SPATA25: variants seen among roughly 807,000 people sequenced by gnomAD.
SPATA25 encodes spermatogenesis associated 25, also known as spermatogenesis-associated protein 25.
Under a neutral mutation model 16.0 loss-of-function variants are expected in SPATA25, and 16 were observed. The observed-to-expected ratio is 1.00, with a 90% CI of 0.68 to 1.52. SPATA25 has a LOEUF of 1.52. SPATA25 is among the 40% of genes most tolerant of loss of function. SPATA25 has a pLI of 0.00. For missense variants in SPATA25, 285 were observed against 289.2 expected (o/e 0.99, Z 0.11); for synonymous variants, 115 against 118.5 (o/e 0.97, Z 0.19).
chr20:45,890,621 C>T (rs1424372833), upstream of SPATA25: 1 of 1,612,840 alleles, frequency 6.2e-7, no homozygotes, highest in African/African-American at 1.3e-5. Context: ...GCGGCCCTCC[C>T]GGGGCACGCG....
upstream of SPATA25, among the ~76,000 whole-genome samples, chr20:45,889,693 A>G (rs1986656034): frequency 7.0e-6 from 1 of 143,174 alleles, no homozygotes; most frequent in Non-Finnish European, 1.5e-5. Context: ...GGCTCATTGC[A>G]ACCTCCACCT....
upstream of SPATA25, chr20:45,888,608 G>A (rs183216600): frequency 2.5e-5 from 18 of 715,538 alleles, no homozygotes; most frequent in African/African-American, 2.5e-4. Flanking sequence ...CTCATAGGCT[G>A]TAGGGGCAAG....
upstream of SPATA25, chr20:45,888,886 G>A: frequency 6.2e-7 from 1 of 1,614,026 alleles, no homozygotes; most frequent in Non-Finnish European, 8.5e-7. Context: ...GTGGGAAGAA[G>A]ACTGTGAAAG....
chr20:45,887,679 C>A, upstream of SPATA25: 1 of 1,254,722 alleles, frequency 8.0e-7, no homozygotes, highest in African/African-American at 1.5e-5. Context: ...CCTCATAGAC[C>A]CTCCCCTTCA....
At chr20:45,890,971 G>T, upstream of SPATA25, 1 of 1,494,346 alleles carries the variant, frequency 6.7e-7, no homozygotes, top group Non-Finnish European at 8.9e-7. Context: ...CCGAATCCAC[G>T]GGCTCGGAGG....
At position 45,886,527 on chromosome 20, in the gene SPATA25, G is replaced by C; in HGVS notation, c.674C>G (p.Ser225Cys). 6.4e-7 allele frequency: 1 copy of C among 1,570,370 alleles called. No individual in the cohort carries two copies. Among genetic ancestry groups the C allele is most frequent in the Non-Finnish European group, 8.7e-7 (1 of 1,153,856 alleles). Reference protein sequence around the residue: ...VRSKRGQPPGSCL With the variant: ...VRSKRGQPPGCCL Reference sequence around the variant, plus strand: ...TGCTATTTCATCCATCTACAAGCAGGAGCCAGGAGGCTGGCCCCTTTTAGA... The same window carrying C: ...TGCTATTTCATCCATCTACAAGCAGCAGCCAGGAGGCTGGCCCCTTTTAGA... The change falls in exon 2 of 2, where the codon TCC (serine) becomes TGC (cysteine). Residue 225 changes from serine (S) to cysteine (C), a missense_variant. Physicochemically the swap from Ser to Cys is moderately radical, Grantham distance 112. Transcript: ENST00000372519.
At chr20:45,890,161 G>GACGAAGGCCTAGCACATGGGCT, upstream of SPATA25, 1 of 1,445,770 alleles carries the variant, frequency 6.9e-7, no homozygotes. Context: ...GTGCCGGACA[G>GACGAAGGCCTAGCACATGGGCT]ACGAAGGCCT....
At chr20:45,889,220 G>C (rs1986613718), upstream of SPATA25, among the ~76,000 whole-genome samples, 1 of 152,216 alleles carries the variant, frequency 6.6e-6, no homozygotes, top group African/African-American at 2.4e-5. Context: ...AATGTGATGA[G>C]AGGTATAACT....
upstream of SPATA25, chr20:45,890,286 T>C (rs1986697986): frequency 1.2e-6 from 2 of 1,613,520 alleles, no homozygotes; most frequent in Middle Eastern, 1.6e-4. Flanking sequence ...ACGCTCTTTG[T>C]GGAAGCAAAC....
chr20:45,890,910 G>A (rs775753333), upstream of SPATA25: 75 of 1,551,474 alleles, frequency 4.8e-5, no homozygotes, highest in Non-Finnish European at 6.1e-5. Context: ...CCGTGCACCC[G>A]ATGGAAGCGG....
rs778299319 is a variant in SPATA25, at chr20:45,886,652, A to G, written c.549T>C (p.Ala183=). ...REEDLIWAAQ[A]FMMAHPEPEG... ...CTGGCTCCGGATGGGCCATCATGAAAGCTTGAGCGGCCCAGATCAGGTCCT... is the reference window on the plus strand; with the variant it reads ...CTGGCTCCGGATGGGCCATCATGAAGGCTTGAGCGGCCCAGATCAGGTCCT... Residue 183 remains alanine (A), a synonymous_variant, in exon 2 of 2, where the codon GCT becomes GCC. Transcript: ENST00000372519. The G allele has an allele frequency of 1.2e-6, 2 of 1,614,090 alleles. No individual in the cohort carries two copies. Among genetic ancestry groups the G allele is most frequent in the Non-Finnish European group, 1.7e-6 (2 of 1,180,032 alleles).
chr20:45,890,158 A>C (rs891637803), upstream of SPATA25: 2 of 1,405,594 alleles, frequency 1.4e-6, no homozygotes, highest in Admixed American at 3.5e-5. Context: ...CTAGTGCCGG[A>C]CAGACGAAGG....
rs146844243 is a variant in SPATA25, at chr20:45,886,665, C to T, written c.536G>A (p.Trp179Ter). The T allele has an allele frequency of 1.2e-6, 2 of 1,614,038 alleles. No individual in the cohort carries two copies. The highest frequency in any genetic ancestry group is 2.7e-5 in the African/African-American group (2 of 74,936). The change falls in exon 2 of 2, where the codon TGG becomes TAG. Residue 179 changes from tryptophan (W) to a stop codon, truncating the protein, a stop_gained. Coordinates refer to ENST00000372519, the MANE Select transcript of SPATA25 (RefSeq NM_080608.4). LOFTEE classifies it high-confidence loss of function. Reference sequence around the variant, plus strand: ...GGCCATCATGAAAGCTTGAGCGGCCCAGATCAGGTCCTCTTCCCGAACTCC... The same window carrying T: ...GGCCATCATGAAAGCTTGAGCGGCCTAGATCAGGTCCTCTTCCCGAACTCC... ...VPGVREEDLIWAAQAFMMAHP... is the reference protein window; with the variant it reads ...VPGVREEDLI
chr20:45,890,024 A>G, upstream of SPATA25: 1 of 587,674 alleles, frequency 1.7e-6, no homozygotes, highest in South Asian at 2.1e-5. Flanking sequence ...CAAAACTAAA[A>G]GGGAACTTGT....
chr20:45,890,769 GCT>G, upstream of SPATA25: 1 of 1,610,918 alleles, frequency 6.2e-7, no homozygotes, highest in Middle Eastern at 1.7e-4. Flanking sequence ...CACCAGCCCA[GCT>G]CTTTCTCCTC....
upstream of SPATA25, chr20:45,890,950 C>G (rs1222196960): frequency 1.3e-6 from 2 of 1,513,384 alleles, no homozygotes; most frequent in South Asian, 2.6e-5. Flanking sequence ...GCTCGAGTCC[C>G]CAGAGTGCAC....
At chr20:45,889,023 G>A (rs1986601694), upstream of SPATA25, 1 of 785,178 alleles carries the variant, frequency 1.3e-6, no homozygotes, top group African/African-American at 1.7e-5. Context: ...ATGGGGCTGA[G>A]AGAAGCACCT....
chr20:45,888,763 C>A, upstream of SPATA25: 1 of 1,614,044 alleles, frequency 6.2e-7, no homozygotes, highest in Non-Finnish European at 8.5e-7. Flanking sequence ...GGTCTTCACT[C>A]ATACTTGCAG....
upstream of SPATA25, among the ~76,000 whole-genome samples, chr20:45,887,987 C>T (rs983471003): frequency 2.0e-5 from 3 of 152,246 alleles, no homozygotes; most frequent in South Asian, 2.1e-4. Context: ...AGTAAGACTT[C>T]GGGTCAGACC....
Sources: allele counts gnomAD v4.1 joint callset (sites outside exome capture counted in the v4.1 genomes callset), GRCh38; gene constraint gnomAD v4.1.1; transcripts MANE v1.5; gene names NCBI Gene and HGNC (gene_info 2026-07-23, HGNC 2026-07-21).